The following PCDH11Y variants were observed in gnomAD, a reference collection of about 807,000 sequenced individuals.
The protein encoded by PCDH11Y is protocadherin 11 Y-linked, also known as protocadherin-11 Y-linked.
For synonymous variants in PCDH11Y, 9 were observed against 83.6 expected, an observed-to-expected ratio of 0.11 and a Z score of 4.87; for missense variants, 12 against 224.8, an observed-to-expected ratio of 0.05 and a Z score of 6.05.
At chrY:5,404,057 T>C (rs2053236363) in intron 2 of PCDH11Y, among the ~76,000 whole-genome samples, 2 of 33,530 alleles carry the variant, frequency 6.0e-5, no homozygotes, top group African/African-American at 2.3e-4. Context: ...CAGACAACTA[T>C]TTGCTTTTTT....
chrY:5,354,266 T>C (rs2053163125), intron 2 of PCDH11Y, among the ~76,000 whole-genome samples: 1 of 32,550 alleles, frequency 3.1e-5, no homozygotes, highest in African/African-American at 1.2e-4. Flanking sequence ...CTAAGGCTAG[T>C]AAAATGAGGG....
chrY:5,373,745 TACACACAC>T (rs369088178), intron 2 of PCDH11Y, among the ~76,000 whole-genome samples: 2 of 23,684 alleles, frequency 8.4e-5, no homozygotes, highest in Non-Finnish European at 1.9e-4. Context: ...TGTGTATATA[TACACACAC>T]ACACACACAC....
intron 1 of PCDH11Y, among the ~76,000 whole-genome samples, chrY:5,074,572 G>A (rs2052705288): frequency 9.5e-5 from 3 of 31,418 alleles, no homozygotes; most frequent in African/African-American, 2.5e-4. Flanking sequence ...ATAATTTATC[G>A]TAAATGTAGA....
chrY:5,697,085 T>TC (rs2053572944), intron 4 of PCDH11Y, among the ~76,000 whole-genome samples: 1 of 33,579 alleles, frequency 3.0e-5, no homozygotes, highest in Non-Finnish European at 7.4e-5. Context: ...CTGTTGTTTT[T>TC]GGGTAAAGAG....
chrY:5,565,942 GTATA>G (rs376402244), intron 3 of PCDH11Y, among the ~76,000 whole-genome samples: 2 of 18,121 alleles, frequency 1.1e-4, no homozygotes, highest in East Asian at 2.7e-3. Context: ...GTGTGTGTGT[GTATA>G]TATATATATA....
chrY:5,733,498 T>C, intron 4 of PCDH11Y, among the ~76,000 whole-genome samples: 1 of 31,309 alleles, frequency 3.2e-5, no homozygotes. Flanking sequence ...CAGTAGATGG[T>C]ACTTATGGGT....
chrY:5,598,446 T>C (rs2053469647), intron 4 of PCDH11Y, among the ~76,000 whole-genome samples: 1 of 32,845 alleles, frequency 3.0e-5, no homozygotes, highest in Non-Finnish European at 7.5e-5. Context: ...TGTTCACATG[T>C]TTTTACACAT....
At chrY:5,205,448 G>C in intron 2 of PCDH11Y, among the ~76,000 whole-genome samples, 1 of 25,690 alleles carries the variant, frequency 3.9e-5, no homozygotes, top group African/African-American at 1.5e-4. Flanking sequence ...TAGTTTTGAA[G>C]TCCTGTGTGA....
intron 4 of PCDH11Y, among the ~76,000 whole-genome samples, chrY:5,663,018 G>A: frequency 6.3e-5 from 2 of 31,708 alleles, no homozygotes; most frequent in Non-Finnish European, 1.5e-4. Flanking sequence ...ATAATACATA[G>A]TCTAGAATAA....
At chrY:5,094,673 G>A in intron 1 of PCDH11Y, among the ~76,000 whole-genome samples, 1 of 31,239 alleles carries the variant, frequency 3.2e-5, no homozygotes, top group African/African-American at 1.2e-4. Flanking sequence ...AGTGTCCAAC[G>A]TAGTAGCTAC....
chrY:5,502,578 G>T, intron 3 of PCDH11Y, among the ~76,000 whole-genome samples: 1 of 32,320 alleles, frequency 3.1e-5, no homozygotes, highest in Non-Finnish European at 7.6e-5. Flanking sequence ...ACAGCAAAAT[G>T]ACTCCTGGTA....
intron 4 of PCDH11Y, among the ~76,000 whole-genome samples, chrY:5,733,338 T>A: frequency 3.0e-5 from 1 of 33,311 alleles, no homozygotes; most frequent in Non-Finnish European, 7.4e-5. Context: ...GTAACATTAT[T>A]ATTTTTTTTC....
chrY:5,334,791 A>G (rs2053134794), intron 2 of PCDH11Y, among the ~76,000 whole-genome samples: 1 of 31,796 alleles, frequency 3.1e-5, no homozygotes, highest in African/African-American at 1.2e-4. Flanking sequence ...AAAGAAAGAG[A>G]AAAATAAAAT....
chrY:5,534,341 T>C, intron 3 of PCDH11Y, among the ~76,000 whole-genome samples: 1 of 33,695 alleles, frequency 3.0e-5, no homozygotes, highest in East Asian at 7.9e-4. Context: ...GGGGCCTTGG[T>C]ATACAGATTA....
intron 2 of PCDH11Y, among the ~76,000 whole-genome samples, chrY:5,130,187 T>G: frequency 3.0e-5 from 1 of 33,476 alleles, no homozygotes; most frequent in South Asian, 6.7e-4. Flanking sequence ...GGGCAAAGAT[T>G]TCATTATGAA....
intron 2 of PCDH11Y, among the ~76,000 whole-genome samples, chrY:5,299,902 G>C: frequency 3.2e-5 from 1 of 31,653 alleles, no homozygotes. Context: ...TGATTTCAAG[G>C]TTCCACAGCT....
chrY:5,022,412 T>C, intron 1 of PCDH11Y, among the ~76,000 whole-genome samples: 1 of 30,023 alleles, frequency 3.3e-5, no homozygotes, highest in Non-Finnish European at 7.9e-5. Flanking sequence ...GAGCCCAGGA[T>C]TTCCAGACCA....
intron 2 of PCDH11Y, among the ~76,000 whole-genome samples, chrY:5,161,257 A>C (rs2124644456): frequency 3.0e-5 from 1 of 32,924 alleles, no homozygotes; most frequent in East Asian, 8.3e-4. Context: ...TATAATTTCA[A>C]CATCTGGTAC....
At chrY:5,081,557 G>A (rs2052719923) in intron 1 of PCDH11Y, among the ~76,000 whole-genome samples, 1 of 31,934 alleles carries the variant, frequency 3.1e-5, no homozygotes, top group Non-Finnish European at 7.6e-5. Context: ...TTGAGCAGTC[G>A]TTTGTAGTTC....
Sources: allele counts gnomAD v4.1 joint callset (sites outside exome capture counted in the v4.1 genomes callset), GRCh38; gene constraint gnomAD v4.1.1; transcripts MANE v1.5; gene names NCBI Gene and HGNC (gene_info 2026-07-23, HGNC 2026-07-21).